Variants in THADA observed in about 807,000 individuals in gnomAD.
The protein encoded by THADA is THADA armadillo repeat containing, also known as tRNA (32-2'-O)-methyltransferase regulator THADA.
THADA carries 213 observed loss-of-function variants against 219.8 expected under a neutral mutation model. The ratio of observed to expected loss-of-function variants is 0.97; its 90% CI spans 0.87 to 1.09. THADA has a LOEUF of 1.09. THADA is among the 50% of genes least tolerant of loss of function. The pLI is 0.00. For missense variants in THADA, 2,956 were observed against 2,311.3 expected (o/e 1.28, Z -5.72); for synonymous variants, 1,018 against 828.9 (o/e 1.23, Z -3.92).
At chr2:43,347,107 A>G (rs1667714083) in intron 29 of THADA, among the ~76,000 whole-genome samples, 1 of 152,190 alleles carries the variant, frequency 6.6e-6, no homozygotes, top group African/African-American at 2.4e-5. Context: ...AGGCTAGATT[A>G]GTGCTAAGAA....
In THADA at chr2:43,566,730, C is replaced by T. The variant is rs774680255; in HGVS notation, c.2279G>A (p.Gly760Asp). 3 of 1,598,744 alleles carry T rather than the reference C, an allele frequency of 1.9e-6. No individual in the cohort carries two copies. The highest frequency in any genetic ancestry group is 2.2e-5 in the East Asian group (1 of 44,536). ...GACATGAAAAACTTCAGCTATTGAA[C>T]CTAAAATGGTTAAAGCTGAAAATCT... ...STRFSALTIL[G>D]SIAEVFHVPE... Residue 760 changes from glycine to aspartate, a missense_variant, in exon 15 of 38, where the codon GGT (glycine) becomes GAT (aspartate). Physicochemically the swap from Gly to Asp is moderately conservative, Grantham distance 94 (BLOSUM62 -1). Transcript: ENST00000405975.
Position 43,278,104 on chromosome 2 carries a change from C to T in THADA, c.5296+1661G>A, listed in dbSNP as rs181447620. On this transcript the variant is annotated intron_variant, in intron 36 of 37. Transcript: ENST00000405975. ...TAGCTGGGATTACGGGTGCCCGCCA[C>T]CATGCCCAGCTAATTTTTCTATTTT... 2.4e-4 allele frequency among the ~76,000 whole-genome samples: 37 copies of T among 152,102 alleles called. No homozygotes were observed. The East Asian group carries it at 7.0e-3, about 29-fold the overall frequency.
intron 29 of THADA, among the ~76,000 whole-genome samples, chr2:43,380,960 T>C (rs1346016441): frequency 6.6e-6 from 1 of 151,868 alleles, no homozygotes; most frequent in Admixed American, 6.6e-5. Context: ...TAGCTGGGTA[T>C]GGTGGCACAT....
chr2:43,236,832 C>T (rs934409544), intron 36 of THADA, among the ~76,000 whole-genome samples: 26 of 149,318 alleles, frequency 1.7e-4, no homozygotes, highest in African/African-American at 5.5e-4. Flanking sequence ...AAGGCCGAGG[C>T]GGGTGGATCA....
chr2:43,330,194 C>A (rs1020444455), intron 30 of THADA, among the ~76,000 whole-genome samples: 1 of 152,224 alleles, frequency 6.6e-6, no homozygotes, highest in Admixed American at 6.5e-5. Context: ...ATGTGACTCT[C>A]CTTGTGGTTA....
intron 35 of THADA, 88 bp downstream of exon 35, chr2:43,286,820 T>C: frequency 6.8e-7 from 1 of 1,479,788 alleles, no homozygotes; most frequent in Non-Finnish European, 9.3e-7. Flanking sequence ...CATGTTGCCA[T>C]CTTTCACCTT....
chr2:43,484,940 T>TAA (rs1185045428), intron 26 of THADA, among the ~76,000 whole-genome samples: 85 of 130,300 alleles, frequency 6.5e-4, no homozygotes, highest in African/African-American at 1.9e-3. Flanking sequence ...AAGATGCAAT[T>TAA]AAAAAAAAAA....
chr2:43,295,950 C>T (rs1267931430), intron 31 of THADA, among the ~76,000 whole-genome samples: 3 of 145,526 alleles, frequency 2.1e-5, no homozygotes, highest in South Asian at 4.4e-4. Context: ...GATGGAGTCT[C>T]GCTCTGTCGC....
intron 26 of THADA, among the ~76,000 whole-genome samples, chr2:43,438,814 T>C (rs1680480571): frequency 6.6e-6 from 1 of 152,206 alleles, no homozygotes; most frequent in Admixed American, 6.5e-5. Flanking sequence ...GTAGCTGTGA[T>C]AAAGTTTAAT....
At chr2:43,297,529 T>C (rs1357068149) in intron 31 of THADA, among the ~76,000 whole-genome samples, 6 of 79,138 alleles carry the variant, frequency 7.6e-5, no homozygotes, top group African/African-American at 1.4e-4. Flanking sequence ...CGGCCAGCCG[T>C]GCCGTCCGGG....
intron 29 of THADA, among the ~76,000 whole-genome samples, chr2:43,359,305 G>C (rs934950386): frequency 8.5e-5 from 13 of 152,238 alleles, no homozygotes; most frequent in Non-Finnish European, 1.8e-4. Context: ...AGAGAATGGT[G>C]ATTCTGTGAG....
chr2:43,267,519 T>C (rs573836618), intron 36 of THADA, among the ~76,000 whole-genome samples: 6 of 152,332 alleles, frequency 3.9e-5, no homozygotes, highest in Non-Finnish European at 4.4e-5. Flanking sequence ...GTGTGTCCAT[T>C]TAGCTCAACA....
intron 29 of THADA, among the ~76,000 whole-genome samples, chr2:43,359,836 C>G (rs1392571304): frequency 6.6e-6 from 1 of 151,148 alleles, no homozygotes; most frequent in Non-Finnish European, 1.5e-5. Context: ...GTTGCCCAGG[C>G]TGGACTCAAA....
At position 43,431,949 on chromosome 2, in the gene THADA, C is replaced by T. The variant is rs1371390700; in HGVS notation, c.3837-1647G>A. Among the ~76,000 whole-genome samples, 9 of 109,228 alleles carry T rather than the reference C, an allele frequency of 8.2e-5. 1 individual carries two copies. Among genetic ancestry groups the T allele is most frequent in the South Asian group, 3.2e-4 (1 of 3,090 alleles). The allele number at this position is 109,228 out of a possible 152,430, so 71.7% of individuals were successfully genotyped here. A position where few individuals can be genotyped will look rare whatever the true frequency, so the allele number is the denominator to read the frequency against. On this transcript the variant is annotated intron_variant, in intron 26 of 37. Coordinates refer to ENST00000405975, the MANE Select transcript of THADA (RefSeq NM_022065.5). Reference sequence around the variant, plus strand: ...TCGGCTCACTGCAAGCTCCGCCTCGCGGGTTCACGCCATTCTCCTGCCTCA... The same window carrying T: ...TCGGCTCACTGCAAGCTCCGCCTCGTGGGTTCACGCCATTCTCCTGCCTCA...
intron 20 of THADA, among the ~76,000 whole-genome samples, chr2:43,544,750 G>C (rs1325265989): frequency 1.3e-5 from 2 of 151,760 alleles, no homozygotes; most frequent in East Asian, 3.9e-4. Flanking sequence ...TGCTGAAGTT[G>C]CTTATCAGCT....
At chr2:43,551,181 T>C (rs964774851) in intron 19 of THADA, among the ~76,000 whole-genome samples, 5 of 152,208 alleles carry the variant, frequency 3.3e-5, no homozygotes, top group African/African-American at 9.7e-5. Flanking sequence ...GTTTTTCTAA[T>C]ACAAGCCTCT....
intron 28 of THADA, among the ~76,000 whole-genome samples, chr2:43,407,267 A>G (rs555659359): frequency 6.6e-6 from 1 of 152,358 alleles, no homozygotes; most frequent in South Asian, 2.1e-4. Context: ...CACTACACAA[A>G]GGAATAGAGA....
chr2:43,449,304 G>A (rs1682003586), intron 26 of THADA, among the ~76,000 whole-genome samples: 1 of 152,042 alleles, frequency 6.6e-6, no homozygotes, highest in Non-Finnish European at 1.5e-5. Context: ...TTAAAGAAAT[G>A]TGAATAAGTC....
In THADA at chr2:43,344,152, C is replaced by T. The variant is rs1667367058; in HGVS notation, c.4313G>A (p.Cys1438Tyr). The change falls in exon 30 of 38, where the codon TGT becomes TAT. Residue 1438 changes from cysteine to tyrosine, a missense_variant. Cys to Tyr is a radical substitution (Grantham distance 194, BLOSUM62 -2). Transcript: ENST00000405975. ...GGCCAGCCAGAGTTTGGCTTTGGTA[C>T]AAACAGTGATGTCAGTCAGCTCGTG... ...FQHELTDITVCTKAKLWLAKR... is the reference protein window; with the variant it reads ...FQHELTDITVYTKAKLWLAKR... 2.5e-6 allele frequency: 4 copies of T among 1,611,494 alleles called. No individual in the cohort carries two copies. The African/African-American group carries it at 5.3e-5, about 22-fold the overall frequency.
Sources: allele counts gnomAD v4.1 joint callset (sites outside exome capture counted in the v4.1 genomes callset), GRCh38; gene constraint gnomAD v4.1.1; transcripts MANE v1.5; gene names NCBI Gene and HGNC (gene_info 2026-07-23, HGNC 2026-07-21).